The following ARHGAP10 variants were observed in gnomAD, a reference collection of about 807,000 sequenced individuals.
ARHGAP10 encodes rho GTPase-activating protein 10.
ARHGAP10 carries 87 observed loss-of-function variants against 108.6 expected under a neutral mutation model. The ratio of observed to expected loss-of-function variants is 0.80; its 90% CI spans 0.67 to 0.96. ARHGAP10 has a LOEUF of 0.96. Ranked by LOEUF, ARHGAP10 falls within the 40% of genes least tolerant of loss-of-function variation. The pLI, the probability that ARHGAP10 is intolerant of heterozygous loss-of-function variation, is 0.00. For missense variants in ARHGAP10, 939 were observed against 954.5 expected, an observed-to-expected ratio of 0.98 and a Z score of 0.21; for synonymous variants, 347 against 341.1, an observed-to-expected ratio of 1.02 and a Z score of -0.19.
intron 18 of ARHGAP10, among the ~76,000 whole-genome samples, chr4:148,003,859 T>C (rs1740834345): frequency 1.8e-5 from 2 of 114,242 alleles, no homozygotes; most frequent in African/African-American, 1.0e-4. Flanking sequence ...CTTGACTCTT[T>C]ATCCTATTTG....
At position 147,793,305 on chromosome 4, in the gene ARHGAP10, C is replaced by CAT. The variant is rs1167905424; in HGVS notation, c.155-29407_155-29406dup. Among the ~76,000 whole-genome samples the CAT allele has an allele frequency of 3.2e-3, 410 of 130,060 alleles. 2 individuals carry two copies. Among genetic ancestry groups the CAT allele is most frequent in the African/African-American group, 9.6e-3 (353 of 36,944 alleles). 85.3% of individuals were successfully genotyped at this position (130,060 alleles called of 152,430 possible). A position where few individuals can be genotyped will look rare whatever the true frequency, so the allele number is the denominator to read the frequency against. ...ATATTGGGGTAAAATATAACACACACATATATATATATATATTTTTTTTTT... is the reference window on the plus strand; with the variant it reads ...ATATTGGGGTAAAATATAACACACACATATATATATATATATATTTTTTTTTT... On this transcript the variant is annotated intron_variant, in intron 1 of 22. Transcript: ENST00000336498.
At chr4:147,877,352 T>C (rs1421663407) in intron 8 of ARHGAP10, among the ~76,000 whole-genome samples, 1 of 152,180 alleles carries the variant, frequency 6.6e-6, no homozygotes, top group Non-Finnish European at 1.5e-5. Context: ...TTTGGACTGA[T>C]GATGGTCTGA....
chr4:148,042,867 G>GTGTGCAGGTTTTGTAAGAATATGT (rs1168604321), intron 19 of ARHGAP10, among the ~76,000 whole-genome samples: 1 of 152,168 alleles, frequency 6.6e-6, no homozygotes, highest in Non-Finnish European at 1.5e-5. Flanking sequence ...ATCCAAAACT[G>GTGTGCAGGTTTTGTAAGAATATGT]TGTGCAGGTT....
chr4:147,819,838 C>T (rs1000823519), intron 1 of ARHGAP10, among the ~76,000 whole-genome samples: 1 of 152,104 alleles, frequency 6.6e-6, no homozygotes, highest in African/African-American at 2.4e-5. Flanking sequence ...GGATTATAGG[C>T]CTGAGCCACC....
intron 10 of ARHGAP10, among the ~76,000 whole-genome samples, chr4:147,899,732 A>G (rs1384537351): frequency 1.3e-5 from 2 of 151,860 alleles, no homozygotes; most frequent in Admixed American, 6.6e-5. Flanking sequence ...GAAAAAATGC[A>G]TGATTCATAG....
In ARHGAP10 at chr4:147,935,504, G is replaced by C. The variant is rs1017776264; in HGVS notation, c.1229-4321G>C. The stretch of plus-strand genomic sequence containing the variant: ...CATTGACTTGTTGCATTTGGAAAGT[G>C]ACAGGGAAGAAGTCAAAGATTTCAA... On this transcript the variant is annotated intron_variant, in intron 13 of 22. Coordinates refer to ENST00000336498, the MANE Select transcript of ARHGAP10 (RefSeq NM_024605.4). 8.5e-5 allele frequency among the ~76,000 whole-genome samples: 13 copies of C among 152,200 alleles called. 1 individual carries two copies. Among genetic ancestry groups the C allele is most frequent in the African/African-American group, 3.1e-4 (13 of 41,456 alleles).
intron 19 of ARHGAP10, among the ~76,000 whole-genome samples, chr4:148,030,913 G>T (rs995445926): frequency 1.3e-5 from 2 of 152,020 alleles, no homozygotes; most frequent in African/African-American, 2.4e-5. Flanking sequence ...GAAATTTGGG[G>T]CCAGGCCTAG....
At chr4:147,759,589 C>G (rs913432054) in intron 1 of ARHGAP10, among the ~76,000 whole-genome samples, 5 of 151,694 alleles carry the variant, frequency 3.3e-5, no homozygotes, top group East Asian at 1.9e-4. Context: ...CGCCCCCCCC[C>G]CCCTTTAAAA....
intron 1 of ARHGAP10, among the ~76,000 whole-genome samples, chr4:147,772,374 C>G (rs1730118266): frequency 6.6e-6 from 1 of 152,166 alleles, no homozygotes; most frequent in Non-Finnish European, 1.5e-5. Flanking sequence ...CCTTTCTCCT[C>G]TCTCCTCTCT....
At position 147,899,328 on chromosome 4, in the gene ARHGAP10, C is replaced by CGT. The variant is rs376331684; in HGVS notation, c.1035-7295_1035-7294dup. On this transcript the variant is annotated intron_variant, in intron 10 of 22. Transcript: ENST00000336498. ...GCTGGGGTGTGTGTGTGTGTGCATG[C>CGT]GTGTGTGTGTGTGTGTCTGTGTCTG... 9.4e-4 allele frequency among the ~76,000 whole-genome samples: 142 copies of CGT among 150,316 alleles called. 2 individuals are homozygous for CGT. Among genetic ancestry groups the CGT allele is most frequent in the South Asian group, 1.7e-3 (8 of 4,734 alleles).
chr4:147,789,680 G>A (rs1560759628), intron 1 of ARHGAP10, among the ~76,000 whole-genome samples: 1 of 152,238 alleles, frequency 6.6e-6, no homozygotes, highest in Non-Finnish European at 1.5e-5. Context: ...ATTTTAGATA[G>A]TTTTCAGGTA....
At chr4:147,829,055 A>AT (rs70958587) in intron 3 of ARHGAP10, among the ~76,000 whole-genome samples, 4,091 of 136,446 alleles carry the variant, frequency 0.03, 191 homozygotes, top group African/African-American at 0.1. Context: ...ATTTTTTTGT[A>AT]TTTTTTTTTT....
intron 18 of ARHGAP10, among the ~76,000 whole-genome samples, chr4:147,985,418 A>G (rs570384631): frequency 6.6e-6 from 1 of 152,286 alleles, no homozygotes; most frequent in South Asian, 2.1e-4. Flanking sequence ...GCAGGGACAC[A>G]TGCAAACCAG....
At chr4:147,985,817 A>C (rs1275244941) in intron 18 of ARHGAP10, among the ~76,000 whole-genome samples, 1 of 152,220 alleles carries the variant, frequency 6.6e-6, no homozygotes, top group Non-Finnish European at 1.5e-5. Context: ...AAGGCTGAAG[A>C]GAAACAAAGT....
At chr4:147,994,255 G>C (rs950507043) in intron 18 of ARHGAP10, among the ~76,000 whole-genome samples, 1 of 152,212 alleles carries the variant, frequency 6.6e-6, no homozygotes, top group Non-Finnish European at 1.5e-5. Context: ...GTATGTCTCT[G>C]TTGGAATGTG....
At position 147,830,640 on chromosome 4, in the gene ARHGAP10, C is replaced by G. The variant is rs1032239548; in HGVS notation, c.312+7683C>G. Among the ~76,000 whole-genome samples the G allele has an allele frequency of 1.1e-4, 17 of 151,550 alleles. No homozygotes were observed. In the East Asian group the frequency reaches 3.3e-3, roughly 30 times the overall value. ...GTTCAAGTGATTATCCTGCTTCAGC[C>G]TCTTGAGCAGCTGGGACTATAGGCA... On this transcript the variant is annotated intron_variant, in intron 3 of 22. Transcript: ENST00000336498.
At chr4:148,066,907 G>T (rs1729905274) in intron 22 of ARHGAP10, among the ~76,000 whole-genome samples, 1 of 152,224 alleles carries the variant, frequency 6.6e-6, no homozygotes, top group Admixed American at 6.5e-5. Context: ...TGGGTACATT[G>T]TAGTGTGCCA....
chr4:147,928,842 T>C (rs1295142015), intron 13 of ARHGAP10, among the ~76,000 whole-genome samples: 1 of 152,232 alleles, frequency 6.6e-6, no homozygotes, highest in Non-Finnish European at 1.5e-5. Context: ...AAGCTTGTAA[T>C]GATTGCTTGG....
intron 12 of ARHGAP10, 102 bp downstream of exon 12, chr4:147,909,879 C>A (rs897103371): frequency 1.7e-6 from 2 of 1,157,102 alleles, no homozygotes; most frequent in Non-Finnish European, 2.6e-6. Flanking sequence ...CTCTCTGCAC[C>A]CTCTATTAGA....
Sources: gnomAD v4.1 joint callset for allele counts (sites outside exome capture counted in the v4.1 genomes callset) on GRCh38, gnomAD v4.1.1 for gene constraint, MANE v1.5 for transcripts, NCBI Gene and HGNC (gene_info 2026-07-23, HGNC 2026-07-21) for gene names.